Variants in NKAIN2 observed in about 807,000 individuals in gnomAD.
NKAIN2 encodes the protein sodium/potassium transporting ATPase interacting 2.
A neutral mutation model predicts 32.6 loss-of-function variants in NKAIN2; 14 were observed. That is an observed-to-expected ratio of 0.43 (90% confidence interval 0.28 to 0.67). The LOEUF (loss-of-function observed/expected upper bound fraction) is 0.67. NKAIN2 is among the 30% of genes least tolerant of loss of function. NKAIN2 has a pLI of 0.17. For synonymous variants in NKAIN2, 80 were observed against 87.2 expected (o/e 0.92, Z 0.46); for missense variants, 198 against 258.3 (o/e 0.77, Z 1.60).
At chr6:123,943,164 A>G (rs968011271) in intron 1 of NKAIN2, among the ~76,000 whole-genome samples, 14 of 152,206 alleles carry the variant, frequency 9.2e-5, no homozygotes, top group Non-Finnish European at 2.1e-4. Context: ...AATAGTTAAC[A>G]GCCACTGGGC....
At chr6:124,786,299 A>G (rs1247795715) in intron 4 of NKAIN2, among the ~76,000 whole-genome samples, 1 of 152,118 alleles carries the variant, frequency 6.6e-6, no homozygotes, top group African/African-American at 2.4e-5. Context: ...TGTTATATAT[A>G]TAATGTTCAG....
chr6:123,915,577 T>C (rs1775448867), intron 1 of NKAIN2, among the ~76,000 whole-genome samples: 1 of 152,182 alleles, frequency 6.6e-6, no homozygotes, highest in African/African-American at 2.4e-5. Context: ...GTTCCTATGG[T>C]GTGTTGCTCA....
At chr6:124,810,206 C>T (rs1303124399) in intron 5 of NKAIN2, among the ~76,000 whole-genome samples, 1 of 151,882 alleles carries the variant, frequency 6.6e-6, no homozygotes, top group Non-Finnish European at 1.5e-5. Context: ...CGGCACTATT[C>T]ACAATAGCAA....
chr6:123,975,002 A>G (rs540126946), intron 1 of NKAIN2, among the ~76,000 whole-genome samples: 1 of 152,278 alleles, frequency 6.6e-6, no homozygotes, highest in South Asian at 2.1e-4. Flanking sequence ...ACCTGAATCC[A>G]TTTATTTCCT....
At chr6:124,092,202 A>G (rs73563119) in intron 1 of NKAIN2, among the ~76,000 whole-genome samples, 2,645 of 152,148 alleles carry the variant, frequency 0.017, 66 homozygotes, top group African/African-American at 0.058. Flanking sequence ...TGCCTGAGAA[A>G]ATATTTCGGC....
chr6:124,513,887 A>G (rs1057036657), intron 3 of NKAIN2, among the ~76,000 whole-genome samples: 2 of 152,156 alleles, frequency 1.3e-5, no homozygotes, highest in African/African-American at 4.8e-5. Flanking sequence ...GGATGTTGTC[A>G]TGAATAATTT....
chr6:123,822,904 T>C (rs9385310), intron 1 of NKAIN2, among the ~76,000 whole-genome samples: 42,186 of 152,066 alleles, frequency 0.28, 8,367 homozygotes, highest in East Asian at 0.56. Flanking sequence ...CTTAGCACTC[T>C]ATAAATGATA....
At chr6:124,269,723 C>G (rs1287855167) in intron 1 of NKAIN2, among the ~76,000 whole-genome samples, 3 of 152,064 alleles carry the variant, frequency 2.0e-5, no homozygotes, top group Non-Finnish European at 4.4e-5. Context: ...CGGCCTCGGC[C>G]TCCCAAAGTG....
At chr6:124,698,862 A>G (rs903325265) in intron 4 of NKAIN2, among the ~76,000 whole-genome samples, 1 of 152,190 alleles carries the variant, frequency 6.6e-6, no homozygotes, top group African/African-American at 2.4e-5. Context: ...TATGCATCCC[A>G]TAGTTTTGTC....
intron 1 of NKAIN2, among the ~76,000 whole-genome samples, chr6:124,084,206 A>T (rs150082713): frequency 2.0e-5 from 3 of 152,000 alleles, no homozygotes; most frequent in African/African-American, 7.2e-5. Flanking sequence ...TATCTCTTGT[A>T]TCTCAGGCCA....
chr6:124,343,517 G>C (rs550525654), intron 2 of NKAIN2, among the ~76,000 whole-genome samples: 1 of 151,832 alleles, frequency 6.6e-6, no homozygotes, highest in Admixed American at 6.6e-5. Flanking sequence ...TTTAATGATT[G>C]CCATTCTAAC....
rs151089000 is a variant in NKAIN2, at chr6:123,946,487, A to C, written c.54+142233A>C. On this transcript the variant is annotated intron_variant, in intron 1 of 6. Coordinates refer to ENST00000368417, the MANE Select transcript of NKAIN2 (RefSeq NM_001040214.3). ...ATTATCACCATGGAAATTTTACAAC[A>C]TGTTTCCCTTAAGGAATTTGAAGTC... 3.3e-3 allele frequency among the ~76,000 whole-genome samples: 498 copies of C among 152,238 alleles called. 3 individuals are homozygous for C. Among genetic ancestry groups the C allele is most frequent in the African/African-American group, 0.011 (477 of 41,552 alleles).
intron 1 of NKAIN2, among the ~76,000 whole-genome samples, chr6:123,998,778 G>T (rs1036304276): frequency 5.3e-5 from 6 of 113,670 alleles, no homozygotes; most frequent in Non-Finnish European, 9.6e-5. Flanking sequence ...TGTGTGTGTG[G>T]AAAATATATA....
At chr6:123,830,095 G>A (rs747008263) in intron 1 of NKAIN2, among the ~76,000 whole-genome samples, 1 of 152,044 alleles carries the variant, frequency 6.6e-6, no homozygotes, top group Admixed American at 6.6e-5. Flanking sequence ...CTCTCGCCCC[G>A]TGTGCTGTCA....
At chr6:124,185,493 A>G (rs1487915551) in intron 1 of NKAIN2, among the ~76,000 whole-genome samples, 1 of 152,196 alleles carries the variant, frequency 6.6e-6, no homozygotes, top group African/African-American at 2.4e-5. Flanking sequence ...TATAATGAAC[A>G]ATAAAAGACT....
chr6:124,543,448 C>T (rs1162809705), intron 3 of NKAIN2, among the ~76,000 whole-genome samples: 3 of 152,128 alleles, frequency 2.0e-5, no homozygotes, highest in Non-Finnish European at 2.9e-5. Flanking sequence ...TTAGATATAA[C>T]TTCTAAACAA....
intron 3 of NKAIN2, among the ~76,000 whole-genome samples, chr6:124,526,219 A>G (rs929988624): frequency 1.3e-5 from 2 of 152,146 alleles, no homozygotes; most frequent in East Asian, 1.9e-4. Flanking sequence ...AGAAAGAGGT[A>G]GAGGTACAGA....
chr6:123,843,308 C>G (rs551430889), intron 1 of NKAIN2, among the ~76,000 whole-genome samples: 2 of 152,068 alleles, frequency 1.3e-5, no homozygotes, highest in Non-Finnish European at 2.9e-5. Context: ...GGCAGTGACT[C>G]TTAATAGGAT....
At chr6:124,199,938 C>T (rs572343647) in intron 1 of NKAIN2, among the ~76,000 whole-genome samples, 1 of 152,194 alleles carries the variant, frequency 6.6e-6, no homozygotes, top group East Asian at 1.9e-4. Flanking sequence ...AATGACCTTT[C>T]AGAAGCATAT....
Sources: allele counts gnomAD v4.1 joint callset (sites outside exome capture counted in the v4.1 genomes callset), GRCh38; gene constraint gnomAD v4.1.1; transcripts MANE v1.5; gene names NCBI Gene and HGNC (gene_info 2026-07-23, HGNC 2026-07-21).